The following ROBO2 variants were observed in gnomAD, a reference collection of about 807,000 sequenced individuals.
ROBO2 encodes roundabout homolog 2.
Under a neutral mutation model 160.8 loss-of-function variants are expected in ROBO2, and 53 were observed. The ratio of observed to expected loss-of-function variants is 0.33; its 90% CI spans 0.26 to 0.41. The LOEUF (loss-of-function observed/expected upper bound fraction) is 0.41. Among genes scored for constraint, ROBO2 ranks in the 10% least tolerant of loss-of-function variants. The pLI, the probability that ROBO2 is intolerant of heterozygous loss-of-function variation, is 1.00. For synonymous variants in ROBO2, 664 were observed against 611.7 expected (o/e 1.09, Z -1.26); for missense variants, 1,577 against 1,722.4 (o/e 0.92, Z 1.49).
intron 2 of ROBO2, among the ~76,000 whole-genome samples, chr3:76,689,101 T>A (rs986958472): frequency 1.3e-5 from 2 of 152,146 alleles, no homozygotes; most frequent in African/African-American, 4.8e-5. Flanking sequence ...TAAAATTGAT[T>A]GCAATTGCTG....
intron 2 of ROBO2, among the ~76,000 whole-genome samples, chr3:76,115,065 A>C (rs1450041657): frequency 6.6e-6 from 1 of 152,130 alleles, no homozygotes; most frequent in Non-Finnish European, 1.5e-5. Flanking sequence ...ACAATTTTAA[A>C]CAAGATCTTT....
At chr3:76,824,083 C>G (rs2066362838) in intron 2 of ROBO2, among the ~76,000 whole-genome samples, 1 of 152,160 alleles carries the variant, frequency 6.6e-6, no homozygotes, top group Non-Finnish European at 1.5e-5. Flanking sequence ...GCAACGTTGT[C>G]TTCTGCATGG....
At chr3:77,608,191 A>G (rs2094562480) in intron 21 of ROBO2, among the ~76,000 whole-genome samples, 1 of 152,172 alleles carries the variant, frequency 6.6e-6, no homozygotes, top group African/African-American at 2.4e-5. Flanking sequence ...ATTGTCTGCA[A>G]TCATGATAAT....
chr3:76,942,638 A>G (rs1014473468), intron 2 of ROBO2, among the ~76,000 whole-genome samples: 3 of 152,168 alleles, frequency 2.0e-5, no homozygotes, highest in African/African-American at 7.2e-5. Flanking sequence ...GGGAAAAGGC[A>G]GAATGGAAAC....
chr3:76,172,857 T>C (rs2073094446), intron 2 of ROBO2, among the ~76,000 whole-genome samples: 1 of 152,076 alleles, frequency 6.6e-6, no homozygotes, highest in Non-Finnish European at 1.5e-5. Context: ...ATAAGTTACA[T>C]TTTAAAAATT....
chr3:76,106,587 T>C (rs936085056), intron 2 of ROBO2, among the ~76,000 whole-genome samples: 1 of 152,030 alleles, frequency 6.6e-6, no homozygotes, highest in African/African-American at 2.4e-5. Flanking sequence ...ACCAGATAAA[T>C]TTACTCTCTT....
intron 2 of ROBO2, among the ~76,000 whole-genome samples, chr3:76,722,202 T>A (rs942154851): frequency 6.6e-6 from 1 of 152,094 alleles, no homozygotes; most frequent in Non-Finnish European, 1.5e-5. Context: ...AGATCTTAGA[T>A]GGAAAACTTT....
At chr3:76,524,863 A>AAAAAAAAAAT (rs2081857251) in intron 2 of ROBO2, among the ~76,000 whole-genome samples, 1 of 116,458 alleles carries the variant, frequency 8.6e-6, no homozygotes, top group African/African-American at 3.4e-5. Flanking sequence ...AAAAAAAAAA[A>AAAAAAAAAAT]AAATAAGTAA....
At chr3:76,828,088 A>C (rs1462001027) in intron 2 of ROBO2, among the ~76,000 whole-genome samples, 1 of 152,214 alleles carries the variant, frequency 6.6e-6, no homozygotes, top group African/African-American at 2.4e-5. Context: ...GTCATTAGAC[A>C]TGGTCACAGA....
chr3:77,042,230 T>G (rs2064173273), intron 1 of ROBO2, among the ~76,000 whole-genome samples: 1 of 152,232 alleles, frequency 6.6e-6, no homozygotes, highest in African/African-American at 2.4e-5. Context: ...AAGATTTAAT[T>G]ATTGTGAATT....
chr3:76,139,088 T>A (rs938813196), intron 2 of ROBO2, among the ~76,000 whole-genome samples: 1 of 152,148 alleles, frequency 6.6e-6, no homozygotes, highest in African/African-American at 2.4e-5. Context: ...CACAAAACAC[T>A]AAATGTATTA....
chr3:76,198,956 C>A (rs1162382373), intron 2 of ROBO2, among the ~76,000 whole-genome samples: 1 of 152,168 alleles, frequency 6.6e-6, no homozygotes, highest in South Asian at 2.1e-4. Flanking sequence ...TTGAACTGTA[C>A]CCCAACTACC....
intron 21 of ROBO2, among the ~76,000 whole-genome samples, chr3:77,615,938 A>T (rs908820258): frequency 6.6e-6 from 1 of 152,202 alleles, no homozygotes. Flanking sequence ...TACATTTCTG[A>T]TATTTACTCA....
At chr3:76,710,396 G>A (rs2107593732) in intron 2 of ROBO2, among the ~76,000 whole-genome samples, 2 of 152,324 alleles carry the variant, frequency 1.3e-5, no homozygotes, top group South Asian at 4.1e-4. Flanking sequence ...TGGGATTACA[G>A]GTGTGAGCCA....
At chr3:77,121,726 G>A (rs1329159497) in intron 2 of ROBO2, among the ~76,000 whole-genome samples, 2 of 152,102 alleles carry the variant, frequency 1.3e-5, no homozygotes, top group East Asian at 3.9e-4. Flanking sequence ...GAATTGCTTG[G>A]ATGATTAAGA....
chr3:76,343,220 C>G (rs1042676580), intron 2 of ROBO2, among the ~76,000 whole-genome samples: 1 of 151,976 alleles, frequency 6.6e-6, no homozygotes, highest in African/African-American at 2.4e-5. Context: ...CAAATAATCT[C>G]TATTAGTACT....
At chr3:77,045,842 T>G (rs574126352) in intron 1 of ROBO2, among the ~76,000 whole-genome samples, 1 of 152,348 alleles carries the variant, frequency 6.6e-6, no homozygotes, top group South Asian at 2.1e-4. Flanking sequence ...TCTGGACATT[T>G]TATATATAAA....
At chr3:75,979,441 A>C (rs1438154843) in intron 2 of ROBO2, among the ~76,000 whole-genome samples, 1 of 151,686 alleles carries the variant, frequency 6.6e-6, no homozygotes, top group African/African-American at 2.4e-5. Flanking sequence ...CCAAGTGGAT[A>C]GTGTTGAAAC....
chr3:76,437,466 G>A (rs577788735), intron 2 of ROBO2, among the ~76,000 whole-genome samples: 1 of 152,232 alleles, frequency 6.6e-6, no homozygotes, highest in South Asian at 2.1e-4. Flanking sequence ...TTTAAACACT[G>A]TCCCCAATCC....
Sources: allele counts gnomAD v4.1 joint callset (sites outside exome capture counted in the v4.1 genomes callset), GRCh38; gene constraint gnomAD v4.1.1; transcripts MANE v1.5; gene names NCBI Gene and HGNC (gene_info 2026-07-23, HGNC 2026-07-21).